The following TTC3 variants were observed in gnomAD, a reference collection of about 807,000 sequenced individuals.
The protein encoded by TTC3 is tetratricopeptide repeat domain 3, also known as E3 ubiquitin-protein ligase TTC3.
A neutral mutation model predicts 249.6 loss-of-function variants in TTC3; 180 were observed. That is an observed-to-expected ratio of 0.72 (90% CI 0.64 to 0.82). The LOEUF (loss-of-function observed/expected upper bound fraction) is 0.82. Ranked by LOEUF, TTC3 falls within the 40% of genes least tolerant of loss-of-function variation. TTC3 has a pLI of 0.00. For missense variants in TTC3, 2,061 were observed against 2,398.4 expected, an observed-to-expected ratio of 0.86 and a Z score of 2.94; for synonymous variants, 717 against 805.0, an observed-to-expected ratio of 0.89 and a Z score of 1.85.
chr21:37,082,851 G>C, intron 1 of TTC3: 58 of 972,314 alleles, frequency 6.0e-5, no homozygotes, highest in Non-Finnish European at 6.8e-5. Flanking sequence ...TTGTTTGATT[G>C]TATTATAAAA....
rs568817375 is a variant in TTC3 at position 37,099,371 on chromosome 21, A to C, written c.845+2728A>C. 2.0e-5 allele frequency among the ~76,000 whole-genome samples: 3 copies of C among 152,352 alleles called. No individual in the cohort carries two copies. The South Asian group carries it at 6.2e-4, about 32-fold the overall frequency. ...TTTTTACAGATGATGAAACAGGTAT[A>C]GGGAGGCCAAGCAAAGTGTCTGAGG... On this transcript the variant is annotated intron_variant, in intron 10 of 45. Coordinates refer to ENST00000355666, the Ensembl canonical transcript of TTC3.
chr21:37,152,790 A>G (rs966490426), intron 26 of TTC3, among the ~76,000 whole-genome samples, 161 bp from the exon 27 acceptor site: 5 of 152,346 alleles, frequency 3.3e-5, no homozygotes, highest in Admixed American at 2.6e-4. Flanking sequence ...TTTCAAAAGT[A>G]TTGTTAAGTG....
intron 17 of TTC3, 109 bp downstream of exon 17, chr21:37,132,875 A>G: frequency 1.3e-6 from 1 of 740,832 alleles, no homozygotes; most frequent in Non-Finnish European, 2.0e-6. Context: ...TTATATAATT[A>G]TTGTATTATA....
intron 27 of TTC3, among the ~76,000 whole-genome samples, chr21:37,154,614 T>G (rs2079816931): frequency 6.6e-6 from 1 of 152,216 alleles, no homozygotes; most frequent in Admixed American, 6.5e-5. Context: ...TTCATTCAGG[T>G]AAATGCAGCA....
At chr21:37,150,253 C>T in intron 24 of TTC3, 83 bp downstream of exon 24, 1 of 977,574 alleles carries the variant, frequency 1.0e-6, no homozygotes, top group Non-Finnish European at 1.6e-6. Flanking sequence ...TTGTAGATAT[C>T]ATGTAATTTG....
At chr21:37,113,392 A>G (rs190635847) in intron 11 of TTC3, among the ~76,000 whole-genome samples, 90 of 151,866 alleles carry the variant, frequency 5.9e-4, no homozygotes, top group African/African-American at 2.1e-3. Flanking sequence ...TTACACACCA[A>G]TAACAAACAG....
intron 10 of TTC3, chr21:37,098,208 T>G (rs866266602): frequency 7.8e-5 from 24 of 307,228 alleles, no homozygotes; most frequent in African/African-American, 4.5e-4. Context: ...TTGTGCTGTT[T>G]GAAGGTGAAT....
intron 28 of TTC3, chr21:37,157,188 T>A (rs1313936365): frequency 2.2e-6 from 3 of 1,360,172 alleles, no homozygotes; most frequent in Non-Finnish European, 2.9e-6. Context: ...TGGGAAAGAT[T>A]GCATGTTACA....
chr21:37,191,556 T>C, intron 40 of TTC3, 132 bp downstream of exon 40: 2 of 551,082 alleles, frequency 3.6e-6, no homozygotes, highest in South Asian at 4.0e-5. Flanking sequence ...GAAAGTATTA[T>C]GAGCTTTTCA....
intron 1 of TTC3, chr21:37,082,896 A>G: frequency 2.0e-6 from 2 of 979,046 alleles, no homozygotes; most frequent in African/African-American, 1.7e-5. Context: ...TCTTGGTGAT[A>G]CCAACATTTC....
At chr21:37,108,563 A>C in intron 11 of TTC3, 117 bp downstream of exon 11, 1 of 970,438 alleles carries the variant, frequency 1.0e-6, no homozygotes, top group South Asian at 1.7e-5. Context: ...AGAGCTCCAG[A>C]ATGTGAAAGG....
At chr21:37,105,496 A>G (rs567219661) in intron 10 of TTC3, among the ~76,000 whole-genome samples, 37 of 152,314 alleles carry the variant, frequency 2.4e-4, no homozygotes, top group African/African-American at 8.4e-4. Context: ...GAAGAAGGAC[A>G]ACTTTGTCTT....
exon 27 of TTC3, chr21:37,153,021 T>C (rs1267449475): frequency 6.2e-7 from 1 of 1,614,056 alleles, no homozygotes; most frequent in Non-Finnish European, 8.5e-7. Context: ...AGCAGTATGC[T>C]GACAAGATTA....
intron 20 of TTC3, 52 bp from the exon 21 acceptor site, chr21:37,144,473 G>T: frequency 1.9e-6 from 3 of 1,577,538 alleles, no homozygotes; most frequent in Non-Finnish European, 2.6e-6. Context: ...TTTGAAGGGA[G>T]TGAAAATACC....
chr21:37,127,600 A>G (rs565587219), intron 15 of TTC3, among the ~76,000 whole-genome samples: 133 of 152,354 alleles, frequency 8.7e-4, no homozygotes, highest in African/African-American at 2.9e-3. Context: ...CACACATAAC[A>G]GTGACTGACC....
At chr21:37,158,184 C>T (rs2080300125) in intron 28 of TTC3, 1 of 985,406 alleles carries the variant, frequency 1.0e-6, no homozygotes, top group Non-Finnish European at 1.2e-6. Flanking sequence ...GAATTTATTG[C>T]CATCAGTTTG....
intron 39 of TTC3, among the ~76,000 whole-genome samples, chr21:37,189,204 C>CTTTGT (rs1218914888): frequency 6.6e-6 from 1 of 152,142 alleles, no homozygotes; most frequent in East Asian, 1.9e-4. Context: ...AGTATATTCA[C>CTTTGT]ACATGTTAAT....
chr21:37,163,373 G>T (rs1481277927), intron 31 of TTC3, among the ~76,000 whole-genome samples: 2 of 152,166 alleles, frequency 1.3e-5, no homozygotes, highest in African/African-American at 4.8e-5. Flanking sequence ...TTGTTTAGAT[G>T]GAGTTTCGCT....
intron 41 of TTC3, among the ~76,000 whole-genome samples, chr21:37,192,491 T>TTGTG (rs60538841): frequency 0.011 from 1,585 of 140,630 alleles, 16 homozygotes; most frequent in East Asian, 0.02. Flanking sequence ...TCTTCTATCT[T>TTGTG]TGTGTGTGTG....
Sources: allele counts gnomAD v4.1 joint callset (sites outside exome capture counted in the v4.1 genomes callset), GRCh38; gene constraint gnomAD v4.1.1; transcripts MANE v1.5; gene names NCBI Gene and HGNC (gene_info 2026-07-23, HGNC 2026-07-21).